PAQR5: variants seen among roughly 807,000 people sequenced by gnomAD.
PAQR5 encodes the protein membrane progestin receptor gamma.
Under a neutral mutation model 34.5 loss-of-function variants are expected in PAQR5, and 20 were observed. The ratio of observed to expected loss-of-function variants is 0.58; its 90% confidence interval spans 0.41 to 0.84. The LOEUF (loss-of-function observed/expected upper bound fraction) is 0.84, where lower values mean the gene tolerates loss of function less well. Among genes scored for constraint, PAQR5 ranks in the 40% least tolerant of loss-of-function variants. The probability of loss-of-function intolerance (pLI) is 0.00; values close to 1 mark genes in which losing one functional copy is unlikely to be tolerated. For missense variants in PAQR5, 378 were observed against 412.7 expected, an observed-to-expected ratio of 0.92 and a Z score of 0.73; for synonymous variants, 131 against 155.6, an observed-to-expected ratio of 0.84 and a Z score of 1.18.
At chr15:69,318,651 C>T (rs1016176828) in intron 1 of PAQR5, among the ~76,000 whole-genome samples, 18 of 151,872 alleles carry the variant, frequency 1.2e-4, no homozygotes, top group African/African-American at 4.1e-4. Flanking sequence ...ACAGTAGTCC[C>T]CCTTATCTGC....
intron 3 of PAQR5, among the ~76,000 whole-genome samples, chr15:69,371,414 T>G (rs1403157945): frequency 6.6e-6 from 1 of 152,154 alleles, no homozygotes; most frequent in Admixed American, 6.5e-5. Flanking sequence ...ATATTTTAAT[T>G]CCATATAGAT....
chr15:69,358,649 T>TTTTTTTTTTTTTA (rs2055146534), intron 2 of PAQR5, among the ~76,000 whole-genome samples: 4 of 148,258 alleles, frequency 2.7e-5, no homozygotes, highest in East Asian at 4.0e-4. Flanking sequence ...TTTTTTTTTT[T>TTTTTTTTTTTTTA]GAGACAGATT....
chr15:69,385,101 C>A lies in PAQR5; in HGVS notation c.385+219C>A, dbSNP rs868500618. ...ACTGGCTCTGTGGGGACAACAGCCC[C>A]GATCTGCAGTGTTGCCAGTTTCTGT... On this transcript the variant is annotated intron_variant, in intron 5 of 8. Transcript: ENST00000395407. This position sits in a 1 kb window ranked among gnomAD's most constrained non-coding sequence, Gnocchi z 4.7. Among the ~76,000 whole-genome samples, 1 of 152,200 alleles carries A rather than the reference C, an allele frequency of 6.6e-6. No homozygotes were observed. Among genetic ancestry groups the A allele is most frequent in the Non-Finnish European group, 1.5e-5 (1 of 68,034 alleles).
chr15:69,338,938 C>T (rs1050131390), intron 2 of PAQR5, among the ~76,000 whole-genome samples: 1 of 152,204 alleles, frequency 6.6e-6, no homozygotes, highest in Non-Finnish European at 1.5e-5. Flanking sequence ...ATTTAGGAAT[C>T]TTGCAGTTGG....
At chr15:69,319,705 C>T (rs962466191) in intron 1 of PAQR5, among the ~76,000 whole-genome samples, 11 of 152,208 alleles carry the variant, frequency 7.2e-5, no homozygotes, top group East Asian at 1.9e-4. Flanking sequence ...AACTTAGACT[C>T]GATTTGGACA....
At chr15:69,317,459 C>A (rs201146276) in intron 1 of PAQR5, among the ~76,000 whole-genome samples, 1 of 152,204 alleles carries the variant, frequency 6.6e-6, no homozygotes, top group African/African-American at 2.4e-5. Context: ...GGTCCACCCC[C>A]CTACCCAGGT....
chr15:69,322,772 G>GAA lies in PAQR5; in HGVS notation c.-276-14569_-276-14568insAA, dbSNP rs1566998004. The stretch of plus-strand genomic sequence containing the variant: ...AAGAAGAAGAAGAAGAAGAAGAAGA[G>GAA]GGAGAAGAAGAAGACGAGGAAGAAG... On this transcript the variant is annotated intron_variant, in intron 1 of 8. Transcript: ENST00000395407. 7.0e-4 allele frequency among the ~76,000 whole-genome samples: 9 copies of GAA among 12,940 alleles called. 1 individual carries two copies. Among genetic ancestry groups the GAA allele is most frequent in the East Asian group, 3.5e-3 (1 of 286 alleles). The allele number at this position is 12,940 out of a possible 152,430, so 8.5% of individuals were successfully genotyped here. A position where few individuals can be genotyped will look rare whatever the true frequency, so the allele number is the denominator to read the frequency against.
chr15:69,303,262 T>A (rs1280807868), intron 1 of PAQR5, among the ~76,000 whole-genome samples: 1 of 152,172 alleles, frequency 6.6e-6, no homozygotes, highest in African/African-American at 2.4e-5. Context: ...AATTTGGGTC[T>A]CTGTCTCCCA....
intron 1 of PAQR5, among the ~76,000 whole-genome samples, chr15:69,308,550 A>C (rs1373022303): frequency 6.6e-6 from 1 of 151,776 alleles, no homozygotes; most frequent in African/African-American, 2.4e-5. Context: ...AGCCACACAC[A>C]CCCCCTCCCT....
intron 3 of PAQR5, among the ~76,000 whole-genome samples, chr15:69,378,190 A>T (rs2055762910): frequency 1.4e-5 from 2 of 146,788 alleles, no homozygotes; most frequent in African/African-American, 5.0e-5. Context: ...GCTTGAACCC[A>T]GGAGGCAGAG....
chr15:69,404,466 G>A lies in PAQR5; in HGVS notation c.*644G>A, dbSNP rs1241282379. Reference sequence around the variant, plus strand: ...TAAGTTCTCATGTCATTATGGATTTGGAGTTTGTCAGTTTTTTTCTTAAAA... The same window carrying A: ...TAAGTTCTCATGTCATTATGGATTTAGAGTTTGTCAGTTTTTTTCTTAAAA... On this transcript the variant is annotated 3_prime_UTR_variant, in exon 9 of 9. Transcript: ENST00000395407. The A allele has an allele frequency of 6.5e-6, 1 of 152,896 alleles. No homozygotes were observed. The highest frequency in any genetic ancestry group is 1.5e-5 in the Non-Finnish European group (1 of 68,570). 9.5% of individuals were successfully genotyped at this position (152,896 alleles called of 1,614,324 possible).
At chr15:69,332,047 A>G (rs2054391587) in intron 1 of PAQR5, among the ~76,000 whole-genome samples, 1 of 152,218 alleles carries the variant, frequency 6.6e-6, no homozygotes, top group African/African-American at 2.4e-5. Flanking sequence ...AAAAAGGGTG[A>G]GAAATTCTTA....
intron 7 of PAQR5, among the ~76,000 whole-genome samples, chr15:69,399,256 T>A (rs888394316): frequency 6.6e-6 from 1 of 152,294 alleles, no homozygotes; most frequent in African/African-American, 2.4e-5. Flanking sequence ...CACTAAACAG[T>A]TGACCCTTAA....
intron 3 of PAQR5, among the ~76,000 whole-genome samples, chr15:69,364,643 CTG>C (rs3985624): frequency 0.9 from 131,913 of 146,384 alleles, 60,227 homozygotes; most frequent in East Asian, 1. Context: ...AATATGGTTG[CTG>C]TGTGTGTGTG....
At chr15:69,316,562 G>A (rs2053955950) in intron 1 of PAQR5, among the ~76,000 whole-genome samples, 1 of 79,306 alleles carries the variant, frequency 1.3e-5, no homozygotes, top group Non-Finnish European at 2.5e-5. Context: ...TAATGTCCTA[G>A]CAAGAAGGAA....
rs1392470656 is a variant in PAQR5, at chr15:69,405,233, A to AG, written c.*1417dup. 18 of 369,666 alleles carry AG rather than the reference A, an allele frequency of 4.9e-5. No homozygotes were observed. The highest frequency in any genetic ancestry group is 6.8e-4 in the Middle Eastern group (1 of 1,466). The allele number at this position is 369,666 out of a possible 1,614,324, so 22.9% of individuals were successfully genotyped here. A position where few individuals can be genotyped will look rare whatever the true frequency, so the allele number is the denominator to read the frequency against. ...CCAGATCTGCACTTGGTAATGACTT[A>AG]GGGGGGCTTCCTCACAATGCAGGAT... On this transcript the variant is annotated 3_prime_UTR_variant, in exon 9 of 9. Coordinates refer to ENST00000395407, the MANE Select transcript of PAQR5 (RefSeq NM_017705.4).
intron 1 of PAQR5, among the ~76,000 whole-genome samples, chr15:69,311,582 A>G (rs28410339): frequency 0.055 from 8,319 of 152,190 alleles, 737 homozygotes; most frequent in African/African-American, 0.19. Flanking sequence ...CCCTGCCCTT[A>G]GTCGCCCAGG....
rs1470822271 is a variant in PAQR5, at chr15:69,300,945, T to C, written c.-277+1889T>C. On this transcript the variant is annotated intron_variant, in intron 1 of 8. Coordinates refer to ENST00000395407, the MANE Select transcript of PAQR5 (RefSeq NM_017705.4). Reference sequence around the variant, plus strand: ...TCTCTCTCTCTCTCTCTCTCTTTCTTTCCTTCTTTCTTTCTTTCTTTCTTT... The same window carrying C: ...TCTCTCTCTCTCTCTCTCTCTTTCTCTCCTTCTTTCTTTCTTTCTTTCTTT... 1.8e-3 allele frequency among the ~76,000 whole-genome samples: 87 copies of C among 49,126 alleles called. 12 individuals are homozygous for C. The highest frequency in any genetic ancestry group is 4.9e-3 in the African/African-American group (77 of 15,818). 32.2% of individuals were successfully genotyped at this position (49,126 alleles called of 152,430 possible). A position where few individuals can be genotyped will look rare whatever the true frequency, so the allele number is the denominator to read the frequency against.
chr15:69,305,572 T>C (rs541063053), intron 1 of PAQR5, among the ~76,000 whole-genome samples: 1 of 151,848 alleles, frequency 6.6e-6, no homozygotes, highest in South Asian at 2.1e-4. Context: ...CACACTAAGG[T>C]CAGTGGCCTT....
Sources: gnomAD v4.1 joint callset for allele counts (sites outside exome capture counted in the v4.1 genomes callset) on GRCh38, gnomAD v4.1.1 for gene constraint, Gnocchi (gnomAD v3.1) non-coding constraint, MANE v1.5 for transcripts, NCBI Gene and HGNC (gene_info 2026-07-23, HGNC 2026-07-21) for gene names.